Variants in MTSS1 observed in about 807,000 individuals in gnomAD.
The protein encoded by MTSS1 is protein MTSS 1.
In MTSS1, 18 loss-of-function variants were observed where a neutral mutation model predicts 79.0. The observed-to-expected ratio is 0.23, with a 90% CI of 0.16 to 0.34. The LOEUF is 0.34. MTSS1 is among the 10% of genes least tolerant of loss of function. The pLI is 1.00. For missense variants in MTSS1, 815 were observed against 986.2 expected (o/e 0.83, Z 2.33); for synonymous variants, 341 against 368.6 (o/e 0.93, Z 0.86).
intron 3 of MTSS1, among the ~76,000 whole-genome samples, chr8:124,644,794 A>G (rs947373575): frequency 6.6e-6 from 1 of 150,506 alleles, no homozygotes; most frequent in Non-Finnish European, 1.5e-5. Context: ...TTCCAAATGG[A>G]CATGGAGAAA....
At chr8:124,607,092 A>G (rs553395845) in intron 3 of MTSS1, among the ~76,000 whole-genome samples, 5 of 152,348 alleles carry the variant, frequency 3.3e-5, no homozygotes, top group Admixed American at 3.3e-4. Flanking sequence ...AAGGAGCTCA[A>G]CAAACGTGAG....
chr8:124,614,753 T>G (rs1836528091), intron 3 of MTSS1, among the ~76,000 whole-genome samples: 1 of 152,174 alleles, frequency 6.6e-6, no homozygotes, highest in Non-Finnish European at 1.5e-5. Context: ...GGGACATGGA[T>G]TTTAGTGACA....
chr8:124,663,197 A>T (rs10094396), intron 3 of MTSS1, among the ~76,000 whole-genome samples: 1 of 151,956 alleles, frequency 6.6e-6, no homozygotes, highest in African/African-American at 2.4e-5. Context: ...ATGGCCAGAC[A>T]CTCCCTTTCG....
intron 10 of MTSS1, chr8:124,558,749 C>T (rs756097545): frequency 4.4e-5 from 69 of 1,581,694 alleles, no homozygotes; most frequent in Non-Finnish European, 5.6e-5. Flanking sequence ...TGGTGGAGCC[C>T]GAGCTGACAG....
chr8:124,641,717 C>T (rs1587515034), intron 3 of MTSS1, among the ~76,000 whole-genome samples: 1 of 152,178 alleles, frequency 6.6e-6, no homozygotes, highest in Non-Finnish European at 1.5e-5. Flanking sequence ...AATGGCCCCC[C>T]TAAAACAAAT....
intron 1 of MTSS1, among the ~76,000 whole-genome samples, chr8:124,721,516 TCTC>T (rs1832937432): frequency 6.7e-6 from 1 of 149,836 alleles, no homozygotes; most frequent in South Asian, 2.1e-4. Flanking sequence ...TTCAAGCAAT[TCTC>T]CTGCCTCAGC....
chr8:124,589,012 G>A (rs1587033492), intron 5 of MTSS1, among the ~76,000 whole-genome samples: 2 of 150,428 alleles, frequency 1.3e-5, no homozygotes, highest in South Asian at 4.2e-4. Flanking sequence ...ACTGCACCCG[G>A]CCTATGATTT....
At chr8:124,681,760 C>A (rs1826165739) in intron 3 of MTSS1, among the ~76,000 whole-genome samples, 1 of 152,114 alleles carries the variant, frequency 6.6e-6, no homozygotes, top group African/African-American at 2.4e-5. Context: ...TGCACTCCAG[C>A]CTCAGTGACA....
At chr8:124,622,833 T>C (rs1322697984) in intron 3 of MTSS1, among the ~76,000 whole-genome samples, 1 of 150,916 alleles carries the variant, frequency 6.6e-6, no homozygotes, top group Admixed American at 6.6e-5. Flanking sequence ...ATGATAGATA[T>C]GTTAACTTGC....
rs1292179572 is a variant in MTSS1, at chr8:124,640,620, T to G, written c.209-49385A>C. On this transcript the variant is annotated intron_variant, in intron 3 of 13. Coordinates refer to ENST00000518547, the MANE Select transcript of MTSS1 (RefSeq NM_014751.6). ...GTGCAATGGCGTGATCTCAGCTCAC[T>G]GCAACCTCCGCCTTCTGGGTTCAAG... 3.9e-5 allele frequency among the ~76,000 whole-genome samples: 6 copies of G among 152,226 alleles called. No homozygotes were observed. The East Asian group carries it at 7.7e-4, about 20-fold the overall frequency.
intron 3 of MTSS1, among the ~76,000 whole-genome samples, chr8:124,692,651 C>G (rs1365233102): frequency 6.6e-6 from 1 of 152,166 alleles, no homozygotes; most frequent in Non-Finnish European, 1.5e-5. Context: ...TGAGTGCCTT[C>G]TACCCAGTTG....
chr8:124,673,756 T>C (rs1004640225), intron 3 of MTSS1, among the ~76,000 whole-genome samples: 3 of 152,186 alleles, frequency 2.0e-5, no homozygotes, highest in African/African-American at 7.2e-5. Flanking sequence ...AAGCACTATT[T>C]CTTTTTTTTC....
At chr8:124,698,167 T>C (rs1198445669) in intron 3 of MTSS1, 2 of 152,202 alleles carry the variant, frequency 1.3e-5, no homozygotes, top group East Asian at 3.8e-4. Context: ...GTTTGTTCAA[T>C]GAATGAGAAG....
intron 3 of MTSS1, among the ~76,000 whole-genome samples, chr8:124,598,136 A>G (rs977377700): frequency 6.6e-6 from 1 of 152,060 alleles, no homozygotes. Context: ...ATAAATTAAT[A>G]AATAAATAAT....
At chr8:124,603,919 C>A (rs1250144235) in intron 3 of MTSS1, among the ~76,000 whole-genome samples, 1 of 152,138 alleles carries the variant, frequency 6.6e-6, no homozygotes, top group Non-Finnish European at 1.5e-5. Flanking sequence ...GAAGAATTGT[C>A]TTGGGCCACA....
intron 3 of MTSS1, among the ~76,000 whole-genome samples, chr8:124,672,264 CG>C (rs1226731761): frequency 6.6e-6 from 1 of 151,990 alleles, no homozygotes; most frequent in African/African-American, 2.4e-5. Flanking sequence ...GAGGCCAAGG[CG>C]GGTGGATGAC....
intron 3 of MTSS1, among the ~76,000 whole-genome samples, chr8:124,605,538 C>T (rs1834640485): frequency 6.6e-6 from 1 of 151,630 alleles, no homozygotes; most frequent in Non-Finnish European, 1.5e-5. Flanking sequence ...CGGAGACAGC[C>T]CTCGCACTGC....
intron 1 of MTSS1, among the ~76,000 whole-genome samples, chr8:124,726,878 C>T (rs555314382): frequency 1.3e-5 from 2 of 152,292 alleles, no homozygotes; most frequent in South Asian, 2.1e-4. Flanking sequence ...AAGAGAAGCT[C>T]CCTAAATACA....
chr8:124,567,214 T>C, intron 7 of MTSS1, 36 bp from the exon 8 acceptor site: 1 of 1,476,444 alleles, frequency 6.8e-7, no homozygotes, highest in South Asian at 1.1e-5. Flanking sequence ...GTTATTATCA[T>C]GAGTGATTCC....
Sources: gnomAD v4.1 joint callset for allele counts (sites outside exome capture counted in the v4.1 genomes callset) on GRCh38, gnomAD v4.1.1 for gene constraint, MANE v1.5 for transcripts, NCBI Gene and HGNC (gene_info 2026-07-23, HGNC 2026-07-21) for gene names.